Variants in TUSC3 observed in about 807,000 individuals in gnomAD.
The protein encoded by TUSC3 is tumor suppressor candidate 3, also known as dolichyl-diphosphooligosaccharide--protein glycosyltransferase subunit TUSC3.
TUSC3 carries 45 observed loss-of-function variants against 44.8 expected under a neutral mutation model. That is an observed-to-expected ratio of 1.00 (90% CI 0.79 to 1.29). The LOEUF (loss-of-function observed/expected upper bound fraction) is 1.29, where lower values mean the gene tolerates loss of function less well. Ranked by LOEUF, TUSC3 falls within the 50% of genes most tolerant of loss-of-function variation. The probability of loss-of-function intolerance (pLI) is 0.00; values close to 1 mark genes in which losing one functional copy is unlikely to be tolerated. For synonymous variants in TUSC3, 212 were observed against 152.9 expected (o/e 1.39, Z -2.85); for missense variants, 519 against 437.9 (o/e 1.19, Z -1.65).
chr8:15,562,523 G>A (rs1472414303), intron 1 of TUSC3, among the ~76,000 whole-genome samples: 2 of 152,122 alleles, frequency 1.3e-5, no homozygotes, highest in African/African-American at 2.4e-5. Context: ...GTTTCTAGAT[G>A]TCAGAAGTCT....
chr8:15,487,781 A>T (rs1033949992), intron 2 of TUSC3, among the ~76,000 whole-genome samples: 1 of 152,158 alleles, frequency 6.6e-6, no homozygotes, highest in African/African-American at 2.4e-5. Context: ...CCCATGTTAG[A>T]TGTTTCCAAG....
chr8:15,819,442 A>G, the TUSC3 span, among the ~76,000 whole-genome samples: 1 of 152,106 alleles, frequency 6.6e-6, no homozygotes, highest in Admixed American at 6.6e-5. Context: ...CATTACCTCT[A>G]TGCAGATCAT....
intron 2 of TUSC3, among the ~76,000 whole-genome samples, chr8:15,534,787 T>C (rs1390426883): frequency 1.3e-5 from 2 of 152,030 alleles, no homozygotes; most frequent in African/African-American, 4.8e-5. Flanking sequence ...AACAAATGTA[T>C]AGACAAAAAA....
At chr8:15,658,525 C>G (rs1187717434) in intron 3 of TUSC3, among the ~76,000 whole-genome samples, 1 of 151,950 alleles carries the variant, frequency 6.6e-6, no homozygotes, top group Non-Finnish European at 1.5e-5. Context: ...TTAGAAAATA[C>G]TGAACTGTAC....
intron 1 of TUSC3, among the ~76,000 whole-genome samples, chr8:15,587,676 T>C (rs756996003): frequency 1.3e-5 from 2 of 152,064 alleles, no homozygotes; most frequent in Non-Finnish European, 2.9e-5. Flanking sequence ...ATTCCTCCTA[T>C]CTGGCTGTAA....
At chr8:15,428,169 T>A (rs184542802) in intron 1 of TUSC3, among the ~76,000 whole-genome samples, 2 of 134,868 alleles carry the variant, frequency 1.5e-5, no homozygotes, top group Non-Finnish European at 3.1e-5. Context: ...CCTTCCTGTG[T>A]CCATGTGTTC....
At chr8:15,596,608 A>T (rs1804078509) in intron 1 of TUSC3, among the ~76,000 whole-genome samples, 1 of 152,092 alleles carries the variant, frequency 6.6e-6, no homozygotes. Flanking sequence ...TGTAACCTTA[A>T]TTTTTAACAC....
intron 1 of TUSC3, among the ~76,000 whole-genome samples, chr8:15,581,861 C>CTGCTTT (rs1204024995): frequency 1.5e-4 from 14 of 92,258 alleles, no homozygotes; most frequent in African/African-American, 4.8e-4. Context: ...TGGAGCTTCC[C>CTGCTTT]GTTTACCTAA....
the TUSC3 span, chr8:15,806,832 C>T: frequency 4.2e-6 from 4 of 945,798 alleles, no homozygotes; most frequent in East Asian, 2.4e-5. Context: ...CCTGTTCCTA[C>T]AAAGTAAACG....
chr8:15,462,827 T>C (rs1253224265), intron 1 of TUSC3, among the ~76,000 whole-genome samples: 2 of 152,074 alleles, frequency 1.3e-5, no homozygotes, highest in Non-Finnish European at 2.9e-5. Context: ...ATTCTCTTAA[T>C]AATAATTCTG....
the TUSC3 span, among the ~76,000 whole-genome samples, chr8:15,830,044 T>C: frequency 6.8e-4 from 103 of 152,282 alleles, 1 homozygote; most frequent in East Asian, 0.018. Flanking sequence ...CTCTTATGAT[T>C]AGTGATGTGG....
At chr8:15,767,677 C>T (rs564992119), downstream of TUSC3, among the ~76,000 whole-genome samples, 6 of 152,220 alleles carry the variant, frequency 3.9e-5, no homozygotes, top group Admixed American at 1.3e-4. Flanking sequence ...CAGAATAGAC[C>T]TCATTCTTAA....
At chr8:15,436,545 CTAA>C (rs1799947542) in intron 1 of TUSC3, among the ~76,000 whole-genome samples, 7 of 152,144 alleles carry the variant, frequency 4.6e-5, no homozygotes, top group Non-Finnish European at 1.5e-5. Context: ...TTAAGAACAA[CTAA>C]TGTTTCTGAA....
chr8:15,477,218 TC>T (rs1221634820), intron 1 of TUSC3, among the ~76,000 whole-genome samples: 2 of 152,112 alleles, frequency 1.3e-5, no homozygotes, highest in Non-Finnish European at 2.9e-5. Flanking sequence ...CTGCCTCAAT[TC>T]CATTGACCAA....
At chr8:15,793,943 G>C in the TUSC3 span, among the ~76,000 whole-genome samples, 2 of 152,142 alleles carry the variant, frequency 1.3e-5, no homozygotes, top group African/African-American at 2.4e-5. Flanking sequence ...AGGTCAGTGT[G>C]GCTAGAGCAA....
At chr8:15,751,567 G>C (rs1171085205) in intron 9 of TUSC3, among the ~76,000 whole-genome samples, 3 of 152,168 alleles carry the variant, frequency 2.0e-5, no homozygotes, top group Non-Finnish European at 2.9e-5. Context: ...TCTGATTTAA[G>C]TAGAACTTTG....
At chr8:15,555,276 A>ATTTTTTTTTTTTTTTTTTTTT in intron 1 of TUSC3, among the ~76,000 whole-genome samples, 1 of 44,892 alleles carries the variant, frequency 2.2e-5, no homozygotes, top group African/African-American at 1.1e-4. Context: ...TGCCAGGCTA[A>ATTTTTTTTTTTTTTTTTTTTT]TTTTTTTTTT....
chr8:15,497,015 A>G (rs920381702), intron 2 of TUSC3, among the ~76,000 whole-genome samples: 2 of 152,236 alleles, frequency 1.3e-5, no homozygotes, highest in African/African-American at 2.4e-5. Context: ...CTATCTCTAA[A>G]AAGATAGGGG....
At chr8:15,700,642 A>G (rs1809355802) in intron 6 of TUSC3, among the ~76,000 whole-genome samples, 1 of 152,210 alleles carries the variant, frequency 6.6e-6, no homozygotes, top group South Asian at 2.1e-4. Context: ...ATTTGTTACT[A>G]GATTATGAGG....
Sources: gnomAD v4.1 joint callset for allele counts (sites outside exome capture counted in the v4.1 genomes callset) on GRCh38, gnomAD v4.1.1 for gene constraint, MANE v1.5 for transcripts, NCBI Gene and HGNC (gene_info 2026-07-23, HGNC 2026-07-21) for gene names.